Variants in LRBA observed in about 807,000 individuals in gnomAD.
The protein encoded by LRBA is LPS responsive beige-like anchor protein.
Under a neutral mutation model 330.0 loss-of-function variants are expected in LRBA, and 176 were observed. That is an observed-to-expected ratio of 0.53 (90% CI 0.47 to 0.60). The LOEUF (loss-of-function observed/expected upper bound fraction) is 0.60, where lower values mean the gene tolerates loss of function less well. LRBA is among the 20% of genes least tolerant of loss of function. The pLI is 0.00. For synonymous variants in LRBA, 1,230 were observed against 1,193.0 expected (o/e 1.03, Z -0.64); for missense variants, 3,259 against 3,444.8 (o/e 0.95, Z 1.35).
intron 35 of LRBA, among the ~76,000 whole-genome samples, chr4:150,753,159 G>A (rs1279764520): frequency 2.0e-5 from 3 of 152,078 alleles, no homozygotes; most frequent in East Asian, 1.9e-4. Flanking sequence ...CTCTGTATCC[G>A]ACTGTACCTA....
At chr4:150,802,149 A>C (rs528817691) in intron 33 of LRBA, among the ~76,000 whole-genome samples, 2 of 151,046 alleles carry the variant, frequency 1.3e-5, no homozygotes, top group South Asian at 2.1e-4. Context: ...GAGCCCAGGA[A>C]GACAAGGCTG....
At chr4:150,450,043 T>TA (rs201897030) in intron 44 of LRBA, among the ~76,000 whole-genome samples, 16 of 150,168 alleles carry the variant, frequency 1.1e-4, no homozygotes, top group Non-Finnish European at 1.3e-4. Flanking sequence ...ATGTTGTCCA[T>TA]AAAAAAAAAG....
chr4:150,851,708 C>G (rs1750639350), intron 23 of LRBA, among the ~76,000 whole-genome samples, 177 bp downstream of exon 23: 1 of 152,202 alleles, frequency 6.6e-6, no homozygotes, highest in African/African-American at 2.4e-5. Context: ...AATGAACTCA[C>G]ATTAACTGCC....
At chr4:150,805,556 G>GA (rs1439398488) in intron 33 of LRBA, among the ~76,000 whole-genome samples, 4 of 65,180 alleles carry the variant, frequency 6.1e-5, no homozygotes, top group African/African-American at 1.6e-4. Context: ...GAAAGGAAAG[G>GA]AAAGGAAAGG....
intron 2 of LRBA, among the ~76,000 whole-genome samples, chr4:150,964,631 C>G (rs977711682): frequency 1.3e-5 from 2 of 151,556 alleles, no homozygotes; most frequent in African/African-American, 4.9e-5. Flanking sequence ...GCAGCATACT[C>G]GTTAAGAGTC....
intron 55 of LRBA, among the ~76,000 whole-genome samples, chr4:150,279,451 G>T (rs569486866): frequency 2.5e-4 from 38 of 152,228 alleles, no homozygotes; most frequent in African/African-American, 9.1e-4. Flanking sequence ...GGACACAGGG[G>T]AATACAGATT....
chr4:150,276,187 A>T (rs1298964373), intron 56 of LRBA, among the ~76,000 whole-genome samples: 1 of 152,238 alleles, frequency 6.6e-6, no homozygotes, highest in Non-Finnish European at 1.5e-5. Context: ...TGGGGAAAGG[A>T]TTCCCTAATT....
chr4:150,425,245 C>T (rs368273522), intron 46 of LRBA, among the ~76,000 whole-genome samples: 1 of 152,204 alleles, frequency 6.6e-6, no homozygotes, highest in Non-Finnish European at 1.5e-5. Context: ...CAGAACAGAA[C>T]AGTCAGCTCT....
chr4:150,592,150 T>TG (rs888234670), intron 38 of LRBA, among the ~76,000 whole-genome samples: 5 of 139,116 alleles, frequency 3.6e-5, no homozygotes, highest in East Asian at 2.1e-4. Context: ...TAGGGTTTTT[T>TG]TTTTTTTTTT....
chr4:150,315,984 T>A (rs1228647595), intron 50 of LRBA, among the ~76,000 whole-genome samples: 1 of 152,178 alleles, frequency 6.6e-6, no homozygotes, highest in Non-Finnish European at 1.5e-5. Flanking sequence ...ATTTTTTTGT[T>A]ACTTCTTAAA....
intron 53 of LRBA, among the ~76,000 whole-genome samples, chr4:150,288,640 T>A (rs979623288): frequency 6.6e-6 from 1 of 152,124 alleles, no homozygotes; most frequent in Non-Finnish European, 1.5e-5. Context: ...GATTCTTGGT[T>A]TTCCTTTTCC....
intron 34 of LRBA, among the ~76,000 whole-genome samples, chr4:150,791,367 T>C (rs1739881937): frequency 6.6e-6 from 1 of 152,298 alleles, no homozygotes; most frequent in South Asian, 2.1e-4. Flanking sequence ...CCAAGGAAAA[T>C]TGTTAATGTC....
intron 2 of LRBA, among the ~76,000 whole-genome samples, chr4:150,983,362 G>T (rs1038589278): frequency 6.6e-6 from 1 of 151,596 alleles, no homozygotes; most frequent in African/African-American, 2.4e-5. Context: ...AGTTGAGGCA[G>T]AAGGAATGCT....
chr4:150,269,742 A>C (rs905081350), intron 56 of LRBA, among the ~76,000 whole-genome samples: 1 of 152,090 alleles, frequency 6.6e-6, no homozygotes, highest in African/African-American at 2.4e-5. Context: ...TGAGCCCAGG[A>C]GTTTAAGACC....
chr4:150,750,223 T>A lies in LRBA; in HGVS notation c.5645+11560A>T, dbSNP rs1179410781. ...TAAATTGTCTTATTTTGATTACTTG[T>A]TTATTATTTGTTCTCTCCTTTATGA... On this transcript the variant is annotated intron_variant, in intron 35 of 56. Coordinates refer to ENST00000651943, the MANE Select transcript of LRBA (RefSeq NM_001364905.1). 2.6e-5 allele frequency among the ~76,000 whole-genome samples: 4 copies of A among 152,204 alleles called. No individual in the cohort carries two copies. In the South Asian group the frequency reaches 8.3e-4, roughly 32 times the overall value.
At chr4:150,455,914 C>T (rs953620072) in intron 44 of LRBA, among the ~76,000 whole-genome samples, 1 of 152,070 alleles carries the variant, frequency 6.6e-6, no homozygotes, top group African/African-American at 2.4e-5. Context: ...TAAGTGAGAA[C>T]ATGTGATGTT....
intron 38 of LRBA, among the ~76,000 whole-genome samples, chr4:150,598,290 C>T (rs924654735): frequency 6.6e-6 from 1 of 151,940 alleles, no homozygotes; most frequent in Admixed American, 6.6e-5. Context: ...TTTCAAAAAT[C>T]ATAAAATAAG....
chr4:150,751,012 T>C (rs1297447666), intron 35 of LRBA, among the ~76,000 whole-genome samples: 1 of 152,016 alleles, frequency 6.6e-6, no homozygotes, highest in Non-Finnish European at 1.5e-5. Context: ...TACCCCATCA[T>C]TATTTGATGA....
At chr4:150,763,473 C>A (rs547674068) in intron 34 of LRBA, among the ~76,000 whole-genome samples, 3 of 151,778 alleles carry the variant, frequency 2.0e-5, no homozygotes, top group Non-Finnish European at 2.9e-5. Context: ...TTTTTTCCAG[C>A]GAGGTAAAAC....
Sources: gnomAD v4.1 joint callset for allele counts (sites outside exome capture counted in the v4.1 genomes callset) on GRCh38, gnomAD v4.1.1 for gene constraint, MANE v1.5 for transcripts, NCBI Gene and HGNC (gene_info 2026-07-23, HGNC 2026-07-21) for gene names.